PTPRK: variants seen among roughly 807,000 people sequenced by gnomAD.
The protein encoded by PTPRK is protein tyrosine phosphatase receptor type K, also known as receptor-type tyrosine-protein phosphatase kappa.
A neutral mutation model predicts 178.0 loss-of-function variants in PTPRK; 75 were observed. The ratio of observed to expected loss-of-function variants is 0.42; its 90% CI spans 0.35 to 0.51. The LOEUF is 0.51. Ranked by LOEUF, PTPRK falls within the 20% of genes least tolerant of loss-of-function variation. The probability of loss-of-function intolerance (pLI) is 0.02; values close to 1 mark genes in which losing one functional copy is unlikely to be tolerated. For missense variants in PTPRK, 1,441 were observed against 1,797.8 expected (o/e 0.80, Z 3.59); for synonymous variants, 637 against 620.6 (o/e 1.03, Z -0.39).
intron 5 of PTPRK, among the ~76,000 whole-genome samples, chr6:128,221,705 A>AT (rs1404142307): frequency 2.6e-5 from 4 of 152,118 alleles, no homozygotes; most frequent in Admixed American, 6.5e-5. Context: ...GGATTTTGCT[A>AT]TTTTTTATTC....
At chr6:128,512,342 C>T (rs1339856908) in intron 1 of PTPRK, among the ~76,000 whole-genome samples, 1 of 152,170 alleles carries the variant, frequency 6.6e-6, no homozygotes. Flanking sequence ...TTGCTATTAT[C>T]CCAAACTCCA....
chr6:128,004,155 C>T (rs967731163), intron 15 of PTPRK, among the ~76,000 whole-genome samples: 3 of 151,582 alleles, frequency 2.0e-5, no homozygotes, highest in Admixed American at 6.6e-5. Flanking sequence ...TTTTCCAAAC[C>T]GGGGTGAGCA....
intron 1 of PTPRK, among the ~76,000 whole-genome samples, chr6:128,513,612 T>C (rs939759994): frequency 1.3e-5 from 2 of 152,244 alleles, no homozygotes; most frequent in Non-Finnish European, 2.9e-5. Context: ...TGAAATTCTA[T>C]GGTAAAGTTC....
intron 3 of PTPRK, among the ~76,000 whole-genome samples, chr6:128,287,499 C>T (rs1194200656): frequency 6.6e-6 from 1 of 152,164 alleles, no homozygotes; most frequent in Non-Finnish European, 1.5e-5. Context: ...TCTTTCACCT[C>T]AGAGGGACTT....
At chr6:128,029,688 A>AT (rs1239106733) in intron 13 of PTPRK, among the ~76,000 whole-genome samples, 3 of 141,516 alleles carry the variant, frequency 2.1e-5, no homozygotes, top group African/African-American at 7.9e-5. Context: ...AATAATAATA[A>AT]TCCAGCCTCA....
At chr6:128,426,305 C>T (rs1184890292) in intron 1 of PTPRK, among the ~76,000 whole-genome samples, 1 of 152,144 alleles carries the variant, frequency 6.6e-6, no homozygotes, top group Non-Finnish European at 1.5e-5. Flanking sequence ...TTTTAAAGCT[C>T]CCCTTGAGGT....
At chr6:128,093,621 A>AAAC in intron 7 of PTPRK, among the ~76,000 whole-genome samples, 1 of 146,148 alleles carries the variant, frequency 6.8e-6, no homozygotes, top group East Asian at 2.0e-4. Flanking sequence ...AAAAAAAAAA[A>AAAC]AACGAAAAAA....
chr6:128,025,560 G>A (rs1297779877), intron 13 of PTPRK, among the ~76,000 whole-genome samples: 1 of 152,212 alleles, frequency 6.6e-6, no homozygotes, highest in African/African-American at 2.4e-5. Context: ...CAAGGCCACT[G>A]CAGAAAACTG....
chr6:128,443,468 A>G (rs1846547112), intron 1 of PTPRK, among the ~76,000 whole-genome samples: 1 of 152,192 alleles, frequency 6.6e-6, no homozygotes, highest in South Asian at 2.1e-4. Flanking sequence ...TAAAATTATC[A>G]TATTATAATC....
rs17055360 is a variant in PTPRK, at chr6:128,131,576, C to T, written c.1163-41584G>A. ...TATAATAAAAATTCATCTCTCACTG[C>T]AGTTCTGGCTGAAAATCTTCCAGTG... On this transcript the variant is annotated intron_variant, in intron 7 of 29. Coordinates refer to ENST00000368226, the MANE Select transcript of PTPRK (RefSeq NM_002844.4). Among the ~76,000 whole-genome samples the T allele has an allele frequency of 8.2e-3, 1,251 of 152,268 alleles. 49 individuals carry two copies. The highest frequency in any genetic ancestry group is 0.043 in the East Asian group (222 of 5,170).
intron 7 of PTPRK, among the ~76,000 whole-genome samples, chr6:128,106,021 G>C (rs998834324): frequency 2.6e-5 from 4 of 152,176 alleles, no homozygotes; most frequent in Admixed American, 2.6e-4. Flanking sequence ...TTAGTGAACA[G>C]GCTGTGGAAT....
rs1210222771 is a variant in PTPRK, at chr6:128,490,206, G to C, written c.100+30053C>G. Among the ~76,000 whole-genome samples, 7 of 152,160 alleles carry C rather than the reference G, an allele frequency of 4.6e-5. 1 individual carries two copies. Among genetic ancestry groups the C allele is most frequent in the African/African-American group, 1.7e-4 (7 of 41,516 alleles). On this transcript the variant is annotated intron_variant, in intron 1 of 29. Coordinates refer to ENST00000368226, the MANE Select transcript of PTPRK (RefSeq NM_002844.4). ...TAGACTACAAAAGCATTCTTTTACTGAATCAATGAGACTAAAACTGGGGAA... is the reference window on the plus strand; with the variant it reads ...TAGACTACAAAAGCATTCTTTTACTCAATCAATGAGACTAAAACTGGGGAA...
chr6:128,035,445 A>G (rs1776055526), intron 13 of PTPRK, among the ~76,000 whole-genome samples: 1 of 152,172 alleles, frequency 6.6e-6, no homozygotes. Flanking sequence ...GCTTACTGCC[A>G]ATGTCATCTG....
chr6:128,518,102 T>C (rs1858363249), intron 1 of PTPRK, among the ~76,000 whole-genome samples: 1 of 152,242 alleles, frequency 6.6e-6, no homozygotes, highest in Non-Finnish European at 1.5e-5. Flanking sequence ...AATCTGACTT[T>C]AAACTCTGGG....
chr6:128,373,726 A>G (rs1836626283), intron 2 of PTPRK, among the ~76,000 whole-genome samples: 1 of 152,176 alleles, frequency 6.6e-6, no homozygotes, highest in South Asian at 2.1e-4. Flanking sequence ...AGTGGTCTAG[A>G]ATGCAGGCTT....
intron 1 of PTPRK, among the ~76,000 whole-genome samples, chr6:128,421,567 A>G (rs1052987001): frequency 6.6e-6 from 1 of 152,120 alleles, no homozygotes; most frequent in African/African-American, 2.4e-5. Flanking sequence ...ATTCAAGACG[A>G]CTCTTCACAA....
At chr6:128,172,579 T>G (rs1800431589) in intron 7 of PTPRK, among the ~76,000 whole-genome samples, 1 of 151,714 alleles carries the variant, frequency 6.6e-6, no homozygotes, top group Non-Finnish European at 1.5e-5. Context: ...AATTGGATGT[T>G]GTAGTAAGAT....
chr6:128,035,565 T>G (rs1373458576), intron 13 of PTPRK, among the ~76,000 whole-genome samples: 1 of 152,130 alleles, frequency 6.6e-6, no homozygotes, highest in Non-Finnish European at 1.5e-5. Context: ...TTTCCAAGTG[T>G]GGACATATCT....
chr6:128,046,326 G>C (rs1226730201), intron 13 of PTPRK, among the ~76,000 whole-genome samples: 1 of 152,132 alleles, frequency 6.6e-6, no homozygotes, highest in Non-Finnish European at 1.5e-5. Flanking sequence ...TCCCTTGCAG[G>C]AGAAAAGAGT....
Sources: allele counts gnomAD v4.1 joint callset (sites outside exome capture counted in the v4.1 genomes callset), GRCh38; gene constraint gnomAD v4.1.1; transcripts MANE v1.5; gene names NCBI Gene and HGNC (gene_info 2026-07-23, HGNC 2026-07-21).